Variants in EPHB2 observed in about 807,000 individuals in gnomAD.
EPHB2 encodes EPH receptor B2, also known as ephrin type-B receptor 2.
A neutral mutation model predicts 96.4 loss-of-function variants in EPHB2; 18 were observed. That is an observed-to-expected ratio of 0.19 (90% confidence interval 0.13 to 0.28). The LOEUF (loss-of-function observed/expected upper bound fraction) is 0.28, where lower values mean the gene tolerates loss of function less well. Ranked by LOEUF, EPHB2 falls within the 10% of genes least tolerant of loss-of-function variation. EPHB2 has a pLI of 1.00. For synonymous variants in EPHB2, 506 were observed against 534.1 expected (o/e 0.95, Z 0.72); for missense variants, 989 against 1,355.4 (o/e 0.73, Z 4.25).
intron 7 of EPHB2, 91 bp from the exon 8 acceptor site, chr1:22,895,381 G>A (rs1266815842): frequency 5.8e-6 from 7 of 1,215,954 alleles, no homozygotes; most frequent in Non-Finnish European, 8.5e-6. Flanking sequence ...AGGGATCCCA[G>A]GAGACCCAGC....
rs185688971 is a variant in EPHB2 at position 22,899,655 on chromosome 1, A to T, written c.1765+3177A>T. On this transcript the variant is annotated intron_variant, in intron 9 of 15. Coordinates refer to ENST00000374630, the MANE Select transcript of EPHB2 (RefSeq NM_017449.5). ...TTGATAACTCCTAAGAAAAAGATGG[A>T]CACATTTAACTACACAGAAATAAAA... Among the ~76,000 whole-genome samples the T allele has an allele frequency of 2.6e-5, 4 of 152,330 alleles. No individual in the cohort carries two copies. The East Asian group carries it at 7.7e-4, about 29-fold the overall frequency.
intron 3 of EPHB2, among the ~76,000 whole-genome samples, chr1:22,840,589 T>C (rs1203744959): frequency 6.6e-6 from 1 of 152,218 alleles, no homozygotes; most frequent in African/African-American, 2.4e-5. Flanking sequence ...GCCTCCCAAG[T>C]AGCTGTGATT....
intron 1 of EPHB2, among the ~76,000 whole-genome samples, chr1:22,720,663 C>CCCCG (rs1553157966): frequency 3.0e-5 from 3 of 99,194 alleles, no homozygotes; most frequent in South Asian, 6.6e-4. Flanking sequence ...ATCTCATTCC[C>CCCCG]CCCCCCCCCC....
At chr1:22,882,635 A>G (rs979459875) in intron 6 of EPHB2, 152 bp downstream of exon 6, 12 of 1,211,246 alleles carry the variant, frequency 9.9e-6, no homozygotes, top group Admixed American at 4.1e-5. Flanking sequence ...CTGGCTCCCA[A>G]TCCAGCTCCG....
rs751502342 is a variant in EPHB2 at position 22,918,273 on chromosome 1, A to G, written c.*4703A>G. On this transcript the variant is annotated 3_prime_UTR_variant, in exon 16 of 16. Transcript: ENST00000374630. The surrounding 1 kb of genome is among the most constrained non-coding windows in gnomAD (Gnocchi z 4.2). ...AAGAGTCACTTCAGCTGCTTGGAAC[A>G]GCAGGGTTGGGTCTTGTGCTACCTG... 1 of 152,190 alleles carries G rather than the reference A, an allele frequency of 6.6e-6. No homozygotes were observed. Among genetic ancestry groups the G allele is most frequent in the Non-Finnish European group, 1.5e-5 (1 of 68,046 alleles). 9.4% of individuals were successfully genotyped at this position (152,190 alleles called of 1,614,324 possible).
intron 3 of EPHB2, chr1:22,835,731 G>A (rs1432296689): frequency 1.3e-5 from 2 of 152,230 alleles, no homozygotes; most frequent in African/African-American, 2.4e-5. Context: ...AGGGGTACCT[G>A]ACACCACACA....
chr1:22,819,513 A>T (rs1645123413), intron 3 of EPHB2, among the ~76,000 whole-genome samples: 2 of 152,110 alleles, frequency 1.3e-5, no homozygotes, highest in African/African-American at 4.8e-5. Flanking sequence ...ACCATGAGTC[A>T]AACCAAGTTA....
intron 1 of EPHB2, among the ~76,000 whole-genome samples, chr1:22,768,845 C>T (rs1570244448): frequency 6.6e-6 from 1 of 152,232 alleles, no homozygotes. Flanking sequence ...CACCTTTTCC[C>T]CTTCTCCTGG....
At chr1:22,788,971 T>A (rs1644653585) in intron 3 of EPHB2, among the ~76,000 whole-genome samples, 1 of 152,116 alleles carries the variant, frequency 6.6e-6, no homozygotes, top group African/African-American at 2.4e-5. Context: ...ACCAGGCTGG[T>A]CTCGAACTCC....
intron 1 of EPHB2, among the ~76,000 whole-genome samples, chr1:22,729,928 G>A (rs996362778): frequency 2.0e-5 from 3 of 152,218 alleles, no homozygotes; most frequent in African/African-American, 7.2e-5. Flanking sequence ...TGAATGCACG[G>A]CTCTCAGATG....
intron 3 of EPHB2, among the ~76,000 whole-genome samples, chr1:22,794,352 G>A (rs1227173583): frequency 4.6e-5 from 7 of 152,094 alleles, no homozygotes; most frequent in Non-Finnish European, 8.8e-5. Context: ...GTCCCAGGAC[G>A]AAGGCTCGGG....
At chr1:22,741,372 C>A (rs1158707168) in intron 1 of EPHB2, among the ~76,000 whole-genome samples, 1 of 152,218 alleles carries the variant, frequency 6.6e-6, no homozygotes, top group East Asian at 1.9e-4. Context: ...TGTTTTCCCT[C>A]CCCTGACGAC....
At chr1:22,716,425 G>T (rs571202049) in intron 1 of EPHB2, among the ~76,000 whole-genome samples, 11 of 152,118 alleles carry the variant, frequency 7.2e-5, no homozygotes, top group African/African-American at 2.7e-4. Flanking sequence ...TCCGCCTCCC[G>T]GGTTCAAGCC....
chr1:22,906,210 C>T lies in EPHB2; in HGVS notation c.1888+101C>T, dbSNP rs56915177. The T allele has an allele frequency of 3.4e-3, 5,311 of 1,568,410 alleles. 146 individuals carry two copies. The African/African-American group carries it at 0.058, about 17-fold the overall frequency. On this transcript the variant is annotated intron_variant, in intron 10 of 15. Transcript: ENST00000374630. The surrounding 1 kb of genome is among the most constrained non-coding windows in gnomAD (Gnocchi z 4.8). The stretch of plus-strand genomic sequence containing the variant: ...GGCAGAAGGTAGGATGTGGGACAGG[C>T]GCCTCAAAGGACCCCCCAAGGCCTG...
intron 3 of EPHB2, among the ~76,000 whole-genome samples, chr1:22,819,225 C>CTCTCTCTCTCTCTA (rs1246781505): frequency 4.5e-4 from 68 of 150,250 alleles, no homozygotes; most frequent in Non-Finnish European, 8.1e-4. Context: ...CTCTCTCTCT[C>CTCTCTCTCTCTCTA]TCTCTCTCTC....
At chr1:22,723,573 AG>A (rs1192345929) in intron 1 of EPHB2, among the ~76,000 whole-genome samples, 2 of 152,232 alleles carry the variant, frequency 1.3e-5, no homozygotes, top group Non-Finnish European at 2.9e-5. Context: ...AAGGGTGATG[AG>A]GCTGGGCCCC....
chr1:22,879,222 C>G (rs773834154), intron 5 of EPHB2, among the ~76,000 whole-genome samples: 28 of 147,506 alleles, frequency 1.9e-4, no homozygotes, highest in Non-Finnish European at 1.5e-5. Context: ...CACACACAGA[C>G]CCAGTGGTCA....
intron 1 of EPHB2, among the ~76,000 whole-genome samples, chr1:22,758,688 G>T (rs939824889): frequency 2.0e-5 from 3 of 151,682 alleles, no homozygotes; most frequent in Admixed American, 6.6e-5. Flanking sequence ...ACCTTTCTAG[G>T]CCTCAGTTTC....
At chr1:22,811,654 A>G (rs1645003348) in intron 3 of EPHB2, among the ~76,000 whole-genome samples, 1 of 152,058 alleles carries the variant, frequency 6.6e-6, no homozygotes, top group Non-Finnish European at 1.5e-5. Flanking sequence ...CTGTCATCCC[A>G]CCCCAAGACC....
Sources: allele counts gnomAD v4.1 joint callset (sites outside exome capture counted in the v4.1 genomes callset), GRCh38; gene constraint gnomAD v4.1.1; non-coding constraint Gnocchi (gnomAD v3.1); transcripts MANE v1.5; gene names NCBI Gene and HGNC (gene_info 2026-07-23, HGNC 2026-07-21).